The following KDM4C variants were observed in gnomAD, a reference collection of about 807,000 sequenced individuals.
The protein encoded by KDM4C is lysine demethylase 4C, also known as lysine-specific demethylase 4C.
A neutral mutation model predicts 129.3 loss-of-function variants in KDM4C; 81 were observed. The ratio of observed to expected loss-of-function variants is 0.63; its 90% CI spans 0.52 to 0.75. The LOEUF is 0.75. Among genes scored for constraint, KDM4C ranks in the 30% least tolerant of loss-of-function variants. KDM4C has a pLI of 0.00. For missense variants in KDM4C, 1,457 were observed against 1,304.0 expected (o/e 1.12, Z -1.81); for synonymous variants, 573 against 456.1 (o/e 1.26, Z -3.26).
chr9:6,796,768 C>T (rs183848306), intron 2 of KDM4C, among the ~76,000 whole-genome samples: 28 of 152,276 alleles, frequency 1.8e-4, no homozygotes, highest in Non-Finnish European at 3.4e-4. Context: ...AGGAATACAA[C>T]GAACTGTTTC....
At chr9:7,071,345 G>A (rs1336772460) in intron 17 of KDM4C, among the ~76,000 whole-genome samples, 2 of 151,976 alleles carry the variant, frequency 1.3e-5, no homozygotes, top group Non-Finnish European at 2.9e-5. Context: ...AAAATAATTT[G>A]GAAAAGAACA....
intron 8 of KDM4C, among the ~76,000 whole-genome samples, chr9:6,939,324 T>G (rs774900719): frequency 2.6e-5 from 4 of 152,056 alleles, no homozygotes; most frequent in Non-Finnish European, 5.9e-5. Context: ...TGCCTGATGA[T>G]CTGTCACTGT....
chr9:6,758,133 C>T lies in KDM4C; in HGVS notation c.-88C>T. The stretch of plus-strand genomic sequence containing the variant: ...AAGTCTCCCAAATTTCCCAAATCTC[C>T]CTGGGCCGGAGGCCACTGTCTTCTC... On this transcript the variant is annotated 5_prime_UTR_variant, in exon 1 of 22. Transcript: ENST00000381309. This position sits in a 1 kb window ranked among gnomAD's most constrained non-coding sequence, Gnocchi z 4.6. 2 of 985,656 alleles carry T rather than the reference C, an allele frequency of 2.0e-6. No individual in the cohort carries two copies. Among genetic ancestry groups the T allele is most frequent in the Non-Finnish European group, 2.4e-6 (2 of 830,112 alleles). The allele number at this position is 985,656 out of a possible 1,614,324, so 61.1% of individuals were successfully genotyped here.
At chr9:6,918,495 CTT>C (rs1296824136) in intron 8 of KDM4C, among the ~76,000 whole-genome samples, 1 of 152,052 alleles carries the variant, frequency 6.6e-6, no homozygotes, top group African/African-American at 2.4e-5. Context: ...GTGCATGTGT[CTT>C]TTTGGTAGAA....
intron 16 of KDM4C, 57 bp from the exon 17 acceptor site, chr9:7,049,035 T>A: frequency 2.7e-6 from 3 of 1,131,854 alleles, no homozygotes; most frequent in African/African-American, 3.1e-5. Flanking sequence ...CATCACCAAG[T>A]TGAAGTATGT....
intron 5 of KDM4C, among the ~76,000 whole-genome samples, chr9:6,854,496 G>T (rs1839408754): frequency 7.6e-6 from 1 of 132,078 alleles, no homozygotes; most frequent in African/African-American, 3.0e-5. Flanking sequence ...TTGCACTCCA[G>T]CCTGGGCAAC....
At chr9:7,114,237 C>G (rs1396325886) in intron 18 of KDM4C, among the ~76,000 whole-genome samples, 1 of 152,132 alleles carries the variant, frequency 6.6e-6, no homozygotes, top group Non-Finnish European at 1.5e-5. Context: ...TAAAATCTCT[C>G]TGCAGCTATA....
chr9:7,080,403 T>C (rs1161731138), intron 17 of KDM4C, among the ~76,000 whole-genome samples: 2 of 152,214 alleles, frequency 1.3e-5, no homozygotes, highest in Non-Finnish European at 1.5e-5. Context: ...AGTACTGTTA[T>C]CTGAGCAAGA....
chr9:7,076,400 A>T (rs1307260722), intron 17 of KDM4C: 4 of 1,436,360 alleles, frequency 2.8e-6, no homozygotes, highest in Non-Finnish European at 3.8e-6. Context: ...AATCTGGCAT[A>T]TTGGACTTTT....
At chr9:6,739,591 T>C (rs943449625) in intron 1 of KDM4C, among the ~76,000 whole-genome samples, 5 of 152,034 alleles carry the variant, frequency 3.3e-5, no homozygotes, top group African/African-American at 9.6e-5. Flanking sequence ...CAGTTTTAGA[T>C]AGCTAGATAG....
At chr9:7,057,741 C>A (rs550756039) in intron 17 of KDM4C, among the ~76,000 whole-genome samples, 2 of 152,230 alleles carry the variant, frequency 1.3e-5, no homozygotes, top group African/African-American at 2.4e-5. Context: ...GTTAAACTGG[C>A]GTGTTCTGTC....
At chr9:6,911,591 G>C (rs1452272337) in intron 8 of KDM4C, among the ~76,000 whole-genome samples, 1 of 152,168 alleles carries the variant, frequency 6.6e-6, no homozygotes, top group Non-Finnish European at 1.5e-5. Flanking sequence ...TGCTAGATAA[G>C]TCAGACCTGT....
intron 17 of KDM4C, among the ~76,000 whole-genome samples, chr9:7,080,060 T>A (rs935358252): frequency 7.2e-5 from 11 of 152,104 alleles, no homozygotes; most frequent in African/African-American, 2.7e-4. Context: ...GCACTTCATC[T>A]AGGCCATGGA....
At chr9:6,767,288 C>A (rs1170161345) in intron 1 of KDM4C, among the ~76,000 whole-genome samples, 1 of 147,196 alleles carries the variant, frequency 6.8e-6, no homozygotes, top group East Asian at 2.0e-4. Context: ...ACAGGCACCC[C>A]TCACCTCACG....
chr9:6,945,261 G>A (rs569949215), intron 8 of KDM4C, among the ~76,000 whole-genome samples: 1 of 152,188 alleles, frequency 6.6e-6, no homozygotes, highest in South Asian at 2.1e-4. Context: ...AATATAACAT[G>A]AATATAATTT....
At chr9:6,905,921 TAA>T (rs1818233579) in intron 8 of KDM4C, among the ~76,000 whole-genome samples, 1 of 152,164 alleles carries the variant, frequency 6.6e-6, no homozygotes, top group South Asian at 2.1e-4. Flanking sequence ...GGCCTCTGTG[TAA>T]ACGAAGAAAA....
intron 2 of KDM4C, among the ~76,000 whole-genome samples, chr9:6,800,075 T>C (rs1184764522): frequency 6.7e-6 from 1 of 149,846 alleles, no homozygotes; most frequent in South Asian, 2.1e-4. Context: ...AAAAAATAAA[T>C]AAATAAAAAA....
At chr9:6,982,191 C>A (rs984413556) in intron 9 of KDM4C, 1 of 151,308 alleles carries the variant, frequency 6.6e-6, no homozygotes, top group African/African-American at 2.4e-5. Flanking sequence ...CATCTTTGCC[C>A]AGACTTATGA....
At chr9:6,770,264 G>C (rs1314515990) in intron 1 of KDM4C, among the ~76,000 whole-genome samples, 2 of 151,584 alleles carry the variant, frequency 1.3e-5, no homozygotes, top group Non-Finnish European at 2.9e-5. Flanking sequence ...AAAAATGTTG[G>C]GTAACAGACT....
Sources: gnomAD v4.1 joint callset for allele counts (sites outside exome capture counted in the v4.1 genomes callset) on GRCh38, gnomAD v4.1.1 for gene constraint, Gnocchi (gnomAD v3.1) non-coding constraint, MANE v1.5 for transcripts, NCBI Gene and HGNC (gene_info 2026-07-23, HGNC 2026-07-21) for gene names.